The following STAT5B variants were observed in gnomAD, a reference collection of about 807,000 sequenced individuals.
STAT5B encodes the protein transcription factor STAT5B.
A neutral mutation model predicts 107.8 loss-of-function variants in STAT5B; 21 were observed. That is an observed-to-expected ratio of 0.19 (90% CI 0.14 to 0.28). The LOEUF (loss-of-function observed/expected upper bound fraction) is 0.28. Ranked by LOEUF, STAT5B falls within the 10% of genes least tolerant of loss-of-function variation. The probability of loss-of-function intolerance (pLI) is 1.00; values close to 1 mark genes in which losing one functional copy is unlikely to be tolerated. For synonymous variants in STAT5B, 325 were observed against 401.7 expected, an observed-to-expected ratio of 0.81 and a Z score of 2.28; for missense variants, 565 against 1,008.2, an observed-to-expected ratio of 0.56 and a Z score of 5.95.
At chr17:42,244,041 C>A (rs767684870) in intron 1 of STAT5B, among the ~76,000 whole-genome samples, 2 of 151,896 alleles carry the variant, frequency 1.3e-5, no homozygotes, top group Non-Finnish European at 2.9e-5. Flanking sequence ...TGATTTGAAG[C>A]TGCCATGTAG....
intron 1 of STAT5B, chr17:42,233,870 C>G (rs2144303350): frequency 6.6e-6 from 1 of 152,202 alleles, no homozygotes; most frequent in South Asian, 2.1e-4. Flanking sequence ...CTCAGACTCA[C>G]CTGACAATTT....
chr17:42,246,243 C>T lies in STAT5B; in HGVS notation c.-10-14106G>A, dbSNP rs562560514. On this transcript the variant is annotated intron_variant, in intron 1 of 18. Transcript: ENST00000293328. ...CATAAAACACAGGAAGAAATATTTC[C>T]TAACATGATAATATCCAGGTTATGA... Among the ~76,000 whole-genome samples the T allele has an allele frequency of 1.1e-3, 160 of 152,116 alleles. 1 individual carries two copies. The highest frequency in any genetic ancestry group is 3.6e-3 in the African/African-American group (148 of 41,512).
intron 11 of STAT5B, 83 bp from the exon 12 acceptor site, chr17:42,216,189 AAC>A (rs1246441071): frequency 8.1e-7 from 1 of 1,229,420 alleles, no homozygotes; most frequent in Non-Finnish European, 1.1e-6. Context: ...TTATTATAAC[AAC>A]ACTTTTATTT....
At chr17:42,214,599 T>C in intron 12 of STAT5B, 1 of 985,364 alleles carries the variant, frequency 1.0e-6, no homozygotes, top group Non-Finnish European at 1.2e-6. Context: ...TCAAATCCTA[T>C]ATTCTAACAG....
intron 1 of STAT5B, among the ~76,000 whole-genome samples, chr17:42,245,147 G>A (rs573430818): frequency 9.1e-5 from 13 of 142,800 alleles, no homozygotes; most frequent in East Asian, 2.1e-4. Flanking sequence ...GCGCGATCTC[G>A]GCTCACTGCA....
chr17:42,235,994 T>C (rs2080353833), intron 1 of STAT5B, among the ~76,000 whole-genome samples: 1 of 152,224 alleles, frequency 6.6e-6, no homozygotes, highest in South Asian at 2.1e-4. Context: ...TCACTCTATT[T>C]TGCCTTAAAT....
chr17:42,219,930 G>C, intron 5 of STAT5B, 88 bp from the exon 6 acceptor site: 6 of 1,593,612 alleles, frequency 3.8e-6, no homozygotes, highest in Non-Finnish European at 5.1e-6. Flanking sequence ...TCTGGAGCGA[G>C]ACCCTCCTGG....
intron 13 of STAT5B, 119 bp from the exon 14 acceptor site, chr17:42,210,616 A>T: frequency 1.1e-6 from 1 of 949,230 alleles, no homozygotes. Flanking sequence ...AGAGGCATAC[A>T]AATATCCCCG....
chr17:42,232,400 T>TACC (rs1428635847), intron 1 of STAT5B, among the ~76,000 whole-genome samples: 1 of 151,954 alleles, frequency 6.6e-6, no homozygotes. Flanking sequence ...AGGGGCACAC[T>TACC]ACCATGCTTG....
chr17:42,229,267 A>G lies in STAT5B; in HGVS notation c.129-1582T>C, dbSNP rs189264493. On this transcript the variant is annotated intron_variant, in intron 2 of 18. Transcript: ENST00000293328. Reference sequence around the variant, plus strand: ...CGGGTTCAAGTGATTCTCCTGCCTCAGCCTCCCAAGTAGCTGGAATTACAG... The same window carrying G: ...CGGGTTCAAGTGATTCTCCTGCCTCGGCCTCCCAAGTAGCTGGAATTACAG... Among the ~76,000 whole-genome samples, 402 of 151,988 alleles carry G rather than the reference A, an allele frequency of 2.6e-3. 4 individuals are homozygous for G. The highest frequency in any genetic ancestry group is 9.5e-3 in the African/African-American group (393 of 41,494).
At chr17:42,272,546 G>C (rs2080729866) in intron 1 of STAT5B, 1 of 152,176 alleles carries the variant, frequency 6.6e-6, no homozygotes, top group Admixed American at 6.5e-5. Flanking sequence ...AGAGAGTTGG[G>C]AAAAGACAAG....
chr17:42,202,142 A>G (rs544867720), intron 18 of STAT5B, 198 bp downstream of exon 18: 7 of 685,120 alleles, frequency 1.0e-5, no homozygotes, highest in East Asian at 2.7e-5. Context: ...AACAGATGAC[A>G]TTTGCCCAAC....
intron 1 of STAT5B, among the ~76,000 whole-genome samples, chr17:42,261,539 A>G (rs561913205): frequency 7.9e-5 from 12 of 152,166 alleles, no homozygotes; most frequent in African/African-American, 2.4e-4. Flanking sequence ...ATCCAAGTTA[A>G]GATAGATTTT....
At chr17:42,229,852 G>A (rs1220880332) in intron 2 of STAT5B, among the ~76,000 whole-genome samples, 4 of 150,960 alleles carry the variant, frequency 2.6e-5, no homozygotes, top group Non-Finnish European at 5.9e-5. Context: ...GTGACAGAGC[G>A]AGACTCCATC....
rs749025578 is a variant in STAT5B at position 42,201,931 on chromosome 17, A to G, written c.2238-67T>C. The G allele has an allele frequency of 2.6e-6, 4 of 1,513,852 alleles. No homozygotes were observed. The East Asian group carries it at 6.9e-5, about 26-fold the overall frequency. 93.8% of individuals were successfully genotyped at this position (1,513,852 alleles called of 1,614,324 possible). ...TGCCAGAGACCACCCCAAGCCCCAC[A>G]GGCCACCAGGGGAGCAGTCTGAGCC... On this transcript the variant is annotated intron_variant, in intron 18 of 18. Transcript: ENST00000293328.
intron 1 of STAT5B, among the ~76,000 whole-genome samples, chr17:42,249,550 G>T (rs2080480621): frequency 6.6e-6 from 1 of 152,060 alleles, no homozygotes; most frequent in South Asian, 2.1e-4. Flanking sequence ...GCACAGGCAA[G>T]GTTCAATGCT....
chr17:42,259,169 T>C lies in STAT5B; in HGVS notation c.-11+17079A>G, dbSNP rs539930671. ...AACAGGGTGGGCTGTTTATTTTTAT[T>C]CAGAATTTTGTTTTCAGAGATGGGA... is the stretch of plus-strand genomic sequence containing the variant. On this transcript the variant is annotated intron_variant, in intron 1 of 18. Transcript: ENST00000293328. Among the ~76,000 whole-genome samples the C allele has an allele frequency of 1.1e-4, 16 of 152,292 alleles. No homozygotes were observed. The South Asian group carries it at 3.3e-3, about 32-fold the overall frequency.
At chr17:42,259,387 G>C (rs2080574555) in intron 1 of STAT5B, among the ~76,000 whole-genome samples, 1 of 152,190 alleles carries the variant, frequency 6.6e-6, no homozygotes, top group Non-Finnish European at 1.5e-5. Context: ...AGCCATGCAA[G>C]GATGCAGCAG....
chr17:42,208,824 C>T (rs539699721), intron 15 of STAT5B, among the ~76,000 whole-genome samples: 4 of 151,822 alleles, frequency 2.6e-5, no homozygotes, highest in Admixed American at 6.6e-5. Flanking sequence ...CTCCGCCTCC[C>T]GGGTTCACGC....
Sources: gnomAD v4.1 joint callset for allele counts (sites outside exome capture counted in the v4.1 genomes callset) on GRCh38, gnomAD v4.1.1 for gene constraint, MANE v1.5 for transcripts, NCBI Gene and HGNC (gene_info 2026-07-23, HGNC 2026-07-21) for gene names.